The following PRR5L variants were observed in gnomAD, a reference collection of about 807,000 sequenced individuals.
The protein encoded by PRR5L is proline-rich protein 5-like.
A neutral mutation model predicts 36.4 loss-of-function variants in PRR5L; 21 were observed. The ratio of observed to expected loss-of-function variants is 0.58; its 90% CI spans 0.41 to 0.83. PRR5L has a LOEUF of 0.83. PRR5L is among the 40% of genes least tolerant of loss of function. The pLI is 0.00. For synonymous variants in PRR5L, 188 were observed against 197.0 expected (o/e 0.95, Z 0.38); for missense variants, 381 against 473.3 (o/e 0.80, Z 1.81).
intron 1 of PRR5L, among the ~76,000 whole-genome samples, chr11:36,397,026 G>T (rs1857674325): frequency 6.6e-6 from 1 of 151,824 alleles, no homozygotes. Context: ...GTGTGACTTT[G>T]GGTAGGTTAC....
At chr11:36,456,897 T>C (rs1486140480) in intron 8 of PRR5L, among the ~76,000 whole-genome samples, 1 of 152,256 alleles carries the variant, frequency 6.6e-6, no homozygotes, top group East Asian at 1.9e-4. Flanking sequence ...CTGCAGCTAG[T>C]GCAGCATTTT....
intron 1 of PRR5L, among the ~76,000 whole-genome samples, chr11:36,348,230 A>G (rs1856887426): frequency 6.6e-6 from 1 of 152,136 alleles, no homozygotes; most frequent in African/African-American, 2.4e-5. Context: ...GCCAAAACCA[A>G]GGTGATAGCT....
intron 1 of PRR5L, among the ~76,000 whole-genome samples, chr11:36,315,854 G>A (rs750649512): frequency 5.3e-5 from 8 of 152,208 alleles, no homozygotes; most frequent in Non-Finnish European, 7.3e-5. Context: ...ATGAGTGTAG[G>A]TGCCTTCCCT....
At chr11:36,447,898 A>AT (rs1858866049) in intron 7 of PRR5L, among the ~76,000 whole-genome samples, 1 of 152,220 alleles carries the variant, frequency 6.6e-6, no homozygotes, top group South Asian at 2.1e-4. Flanking sequence ...AGAAGCCTTA[A>AT]TTAGAGCATG....
At chr11:36,341,059 G>C (rs969716118) in intron 1 of PRR5L, among the ~76,000 whole-genome samples, 1 of 152,108 alleles carries the variant, frequency 6.6e-6, no homozygotes, top group African/African-American at 2.4e-5. Flanking sequence ...ATTCTCTCCG[G>C]GAAAGGCAGG....
At chr11:36,360,075 CCA>C (rs34673599) in intron 1 of PRR5L, among the ~76,000 whole-genome samples, 116,229 of 148,018 alleles carry the variant, frequency 0.79, 45,584 homozygotes, top group East Asian at 0.96. Context: ...ACACACACAC[CCA>C]CACACACACA....
In PRR5L at chr11:36,429,683, G is replaced by C. The variant is rs1858453435; in HGVS notation, c.295-2170G>C. Among the ~76,000 whole-genome samples, 3 of 152,172 alleles carry C rather than the reference G, an allele frequency of 2.0e-5. No individual in the cohort carries two copies. The South Asian group carries it at 6.2e-4, about 32-fold the overall frequency. On this transcript the variant is annotated intron_variant, in intron 4 of 8. Transcript: ENST00000530639. The stretch of plus-strand genomic sequence containing the variant: ...GTGTTGACACTAGATGTGCTGAGAA[G>C]AATGACATTTAGGAGCCCATGCACA...
At chr11:36,425,556 A>G (rs139836645) in intron 4 of PRR5L, 128 of 152,240 alleles carry the variant, frequency 8.4e-4, no homozygotes, top group African/African-American at 2.8e-3. Flanking sequence ...TAAGGCCCCA[A>G]TGCACGCTTT....
chr11:36,299,118 G>A (rs1856345958), intron 1 of PRR5L, among the ~76,000 whole-genome samples: 1 of 152,088 alleles, frequency 6.6e-6, no homozygotes, highest in African/African-American at 2.4e-5. Flanking sequence ...CATTCCTCCT[G>A]GTGGTCCTTG....
intron 4 of PRR5L, among the ~76,000 whole-genome samples, chr11:36,424,237 A>G (rs1186055571): frequency 6.6e-6 from 1 of 152,242 alleles, no homozygotes; most frequent in Non-Finnish European, 1.5e-5. Context: ...ACACATGGGT[A>G]CCAAAGGCTG....
chr11:36,460,042 T>C (rs1859146925), intron 8 of PRR5L, among the ~76,000 whole-genome samples: 1 of 152,214 alleles, frequency 6.6e-6, no homozygotes. Flanking sequence ...CCAGAGATGA[T>C]AACTAGATAT....
intron 3 of PRR5L, among the ~76,000 whole-genome samples, chr11:36,414,349 A>G (rs1396433766): frequency 2.7e-5 from 4 of 148,526 alleles, no homozygotes; most frequent in Admixed American, 6.7e-5. Context: ...AAGTGTTCCT[A>G]TTTCTCCACA....
At chr11:36,341,234 C>T (rs1856814240) in intron 1 of PRR5L, among the ~76,000 whole-genome samples, 1 of 152,112 alleles carries the variant, frequency 6.6e-6, no homozygotes, top group African/African-American at 2.4e-5. Context: ...AATTTGGGGG[C>T]AGGGTTACTT....
chr11:36,350,986 A>T (rs1457096081), intron 1 of PRR5L, among the ~76,000 whole-genome samples: 1 of 83,810 alleles, frequency 1.2e-5, no homozygotes, highest in African/African-American at 5.0e-5. Flanking sequence ...ATATTTATAT[A>T]TTTATATATT....
At chr11:36,374,109 T>TGC (rs1351828227) in intron 1 of PRR5L, among the ~76,000 whole-genome samples, 795 of 74,170 alleles carry the variant, frequency 0.011, 17 homozygotes, top group Non-Finnish European at 0.018. Flanking sequence ...TTCCTTCCTC[T>TGC]CTCTCTCTCT....
chr11:36,381,545 G>T (rs924279667), intron 1 of PRR5L: 1 of 151,454 alleles, frequency 6.6e-6, no homozygotes, highest in Non-Finnish European at 1.5e-5. Flanking sequence ...CAACCTGCTT[G>T]TGACCTCAGC....
At chr11:36,436,903 T>C (rs1008186815) in intron 5 of PRR5L, among the ~76,000 whole-genome samples, 13 of 152,226 alleles carry the variant, frequency 8.5e-5, no homozygotes, top group African/African-American at 2.9e-4. Flanking sequence ...ACAATTACTA[T>C]GTGATTTTAA....
chr11:36,396,001 A>C (rs1162174692), intron 1 of PRR5L: 1 of 152,214 alleles, frequency 6.6e-6, no homozygotes, highest in Non-Finnish European at 1.5e-5. Context: ...AAGTGCTGGG[A>C]TTATAGGCGT....
chr11:36,437,040 C>G (rs984442449), intron 5 of PRR5L, among the ~76,000 whole-genome samples: 11 of 152,192 alleles, frequency 7.2e-5, no homozygotes, highest in African/African-American at 2.4e-4. Flanking sequence ...GTAATGAGCT[C>G]TCTTTCCTCC....
Sources: gnomAD v4.1 joint callset for allele counts (sites outside exome capture counted in the v4.1 genomes callset) on GRCh38, gnomAD v4.1.1 for gene constraint, MANE v1.5 for transcripts, NCBI Gene and HGNC (gene_info 2026-07-23, HGNC 2026-07-21) for gene names.